TFB1M: variants seen among roughly 807,000 people sequenced by gnomAD.
TFB1M encodes transcription factor B1, mitochondrial.
Under a neutral mutation model 31.1 loss-of-function variants are expected in TFB1M, and 27 were observed. That is an observed-to-expected ratio of 0.87 (90% CI 0.64 to 1.20). TFB1M has a LOEUF of 1.20. TFB1M is among the 50% of genes most tolerant of loss of function. The pLI is 0.00. For synonymous variants in TFB1M, 166 were observed against 151.8 expected (o/e 1.09, Z -0.69); for missense variants, 394 against 418.7 (o/e 0.94, Z 0.51).
At chr6:155,252,368 C>G (rs1319709762), downstream of TFB1M, among the ~76,000 whole-genome samples, 1 of 152,146 alleles carries the variant, frequency 6.6e-6, no homozygotes, top group Non-Finnish European at 1.5e-5. Context: ...ACTCGGGAGG[C>G]TGAGGCAGGA....
At chr6:155,280,782 C>T (rs1785462430) in intron 5 of TFB1M, among the ~76,000 whole-genome samples, 1 of 152,120 alleles carries the variant, frequency 6.6e-6, no homozygotes, top group Non-Finnish European at 1.5e-5. Context: ...TTCTGTGGAC[C>T]CATCCACCCA....
chr6:155,247,714 T>C, the TFB1M span, among the ~76,000 whole-genome samples: 2 of 152,216 alleles, frequency 1.3e-5, no homozygotes, highest in Non-Finnish European at 2.9e-5. Flanking sequence ...ATGAAATGTG[T>C]CTTTAAAGTC....
At chr6:155,310,571 C>G (rs751028254) in intron 2 of TFB1M, among the ~76,000 whole-genome samples, 1 of 152,098 alleles carries the variant, frequency 6.6e-6, no homozygotes, top group African/African-American at 2.4e-5. Flanking sequence ...TTGAAACATG[C>G]CCAGTTCCTT....
chr6:155,269,933 G>A (rs1286013592), intron 5 of TFB1M, among the ~76,000 whole-genome samples: 2 of 152,232 alleles, frequency 1.3e-5, no homozygotes, highest in Admixed American at 6.5e-5. Flanking sequence ...TCCTGGCACA[G>A]GAGAATCAGT....
intron 5 of TFB1M, chr6:155,264,016 G>A (rs1784511363): frequency 1.3e-5 from 2 of 152,112 alleles, no homozygotes; most frequent in Non-Finnish European, 2.9e-5. Flanking sequence ...AGGATTCAAA[G>A]TTCGAAGTGG....
downstream of TFB1M, chr6:155,255,844 CA>C: frequency 1.3e-5 from 2 of 152,372 alleles, no homozygotes; most frequent in Non-Finnish European, 2.9e-5. Context: ...CCCATCTCTA[CA>C]AAAAAAATAT....
At chr6:155,250,922 C>G in the TFB1M span, 1 of 1,614,170 alleles carries the variant, frequency 6.2e-7, no homozygotes, top group Non-Finnish European at 8.5e-7. Flanking sequence ...GGTAACAGAA[C>G]TTTCGATGGG....
intron 5 of TFB1M, among the ~76,000 whole-genome samples, chr6:155,271,122 T>C (rs1437017478): frequency 6.6e-6 from 1 of 152,254 alleles, no homozygotes; most frequent in African/African-American, 2.4e-5. Context: ...TGTGTTTGTT[T>C]ATTTACTACT....
intron 5 of TFB1M, among the ~76,000 whole-genome samples, chr6:155,267,593 A>G (rs1183711766): frequency 6.6e-6 from 1 of 152,210 alleles, no homozygotes; most frequent in Non-Finnish European, 1.5e-5. Flanking sequence ...GAGTCACAGT[A>G]GGTGGTCCCA....
chr6:155,293,450 G>A (rs1173185227), intron 4 of TFB1M, among the ~76,000 whole-genome samples: 1 of 152,138 alleles, frequency 6.6e-6, no homozygotes, highest in Non-Finnish European at 1.5e-5. Flanking sequence ...TTTAGCATAT[G>A]ACAAGGAAGT....
At chr6:155,307,677 A>C (rs994674175) in intron 2 of TFB1M, among the ~76,000 whole-genome samples, 1 of 152,188 alleles carries the variant, frequency 6.6e-6, no homozygotes, top group Admixed American at 6.6e-5. Flanking sequence ...TATTATTTTT[A>C]ATATATGAAG....
chr6:155,240,771 GCA>G, the TFB1M span: 18 of 1,536,156 alleles, frequency 1.2e-5, no homozygotes. Flanking sequence ...TGGTATGCTG[GCA>G]GAGGTCCCCA....
chr6:155,239,673 C>CTCT, the TFB1M span, among the ~76,000 whole-genome samples: 1 of 152,194 alleles, frequency 6.6e-6, no homozygotes, highest in African/African-American at 2.4e-5. Context: ...TCCTTCTTGT[C>CTCT]TCTTCATCTA....
chr6:155,314,029 C>T (rs758611334), intron 1 of TFB1M: 68 of 1,256,486 alleles, frequency 5.4e-5, no homozygotes, highest in Admixed American at 5.2e-4. Context: ...CCCATGAACC[C>T]TTCCTCCCCT....
chr6:155,308,707 C>T (rs1023931253), intron 2 of TFB1M, among the ~76,000 whole-genome samples: 1 of 152,148 alleles, frequency 6.6e-6, no homozygotes, highest in Non-Finnish European at 1.5e-5. Context: ...CCTAAACTGC[C>T]TCATGAAAAT....
chr6:155,247,062 G>T, the TFB1M span, among the ~76,000 whole-genome samples: 1 of 152,218 alleles, frequency 6.6e-6, no homozygotes, highest in Admixed American at 6.5e-5. Context: ...CTACTGCCAT[G>T]CCTGTTGGAA....
intron 5 of TFB1M, among the ~76,000 whole-genome samples, chr6:155,264,734 G>A (rs1012276): frequency 0.063 from 9,607 of 152,270 alleles, 381 homozygotes; most frequent in East Asian, 0.18. Flanking sequence ...CTGAGGCCAA[G>A]AGAATGACAG....
chr6:155,234,820 G>C, the TFB1M span, among the ~76,000 whole-genome samples: 1 of 152,242 alleles, frequency 6.6e-6, no homozygotes, highest in African/African-American at 2.4e-5. Flanking sequence ...GGTCTCCAGA[G>C]GCAGGTGGCT....
At chr6:155,311,160 C>T (rs755481633) in intron 2 of TFB1M, 28 bp downstream of exon 2, 36 of 1,613,348 alleles carry the variant, frequency 2.2e-5, no homozygotes, top group Non-Finnish European at 3.0e-5. Flanking sequence ...GCTTTTGCCT[C>T]CTAAAGCAGA....
Sources: gnomAD v4.1 joint callset for allele counts (sites outside exome capture counted in the v4.1 genomes callset) on GRCh38, gnomAD v4.1.1 for gene constraint, MANE v1.5 for transcripts, NCBI Gene and HGNC (gene_info 2026-07-23, HGNC 2026-07-21) for gene names.